Variants in SRFBP1 observed in about 807,000 individuals in gnomAD.
SRFBP1 encodes the protein serum response factor binding protein 1.
In SRFBP1, 47 loss-of-function variants were observed where a neutral mutation model predicts 45.5. That is an observed-to-expected ratio of 1.03 (90% CI 0.82 to 1.32). SRFBP1 has a LOEUF of 1.32. SRFBP1 is among the 40% of genes most tolerant of loss of function. SRFBP1 has a pLI of 0.00. For synonymous variants in SRFBP1, 203 were observed against 166.3 expected (o/e 1.22, Z -1.70); for missense variants, 621 against 484.6 (o/e 1.28, Z -2.64).
At chr5:122,026,084 C>T (rs1014209578) in intron 7 of SRFBP1, among the ~76,000 whole-genome samples, 4 of 151,910 alleles carry the variant, frequency 2.6e-5, no homozygotes, top group South Asian at 2.1e-4. Context: ...AGCAAGACTC[C>T]GTCTTAAAAA....
intron 2 of SRFBP1, among the ~76,000 whole-genome samples, chr5:122,062,771 A>G (rs1754194502): frequency 6.6e-6 from 1 of 151,996 alleles, no homozygotes; most frequent in Non-Finnish European, 1.5e-5. Flanking sequence ...CTCTCATGTT[A>G]CCAGATTTCA....
intron 2 of SRFBP1, among the ~76,000 whole-genome samples, chr5:122,043,850 A>G (rs563040582): frequency 4.6e-5 from 7 of 151,972 alleles, no homozygotes; most frequent in Non-Finnish European, 1.0e-4. Flanking sequence ...TATTCATTAA[A>G]TTTTTTTTAT....
At chr5:122,014,009 A>G (rs548944778) in intron 4 of SRFBP1, among the ~76,000 whole-genome samples, 5 of 152,248 alleles carry the variant, frequency 3.3e-5, no homozygotes, top group Admixed American at 3.3e-4. Context: ...ATATATTTCA[A>G]AATAGCCAAA....
downstream of SRFBP1, chr5:122,077,504 C>T (rs748350741): frequency 1.9e-6 from 3 of 1,613,770 alleles, no homozygotes; most frequent in Non-Finnish European, 2.5e-6. This position sits in a 1 kb window ranked among gnomAD's most constrained non-coding sequence, Gnocchi z 4.9. Flanking sequence ...GTCCACGCGG[C>T]TGGGCGGCCG....
At chr5:121,985,626 C>T (rs1262038541) in intron 3 of SRFBP1, among the ~76,000 whole-genome samples, 1 of 151,658 alleles carries the variant, frequency 6.6e-6, no homozygotes. Context: ...TCTAATACTG[C>T]GATAACTGAG....
intron 3 of SRFBP1, among the ~76,000 whole-genome samples, chr5:121,979,962 C>T (rs935268225): frequency 1.3e-5 from 2 of 152,108 alleles, no homozygotes; most frequent in African/African-American, 4.8e-5. Context: ...TAAGAGCATT[C>T]TTCAGATAAG....
downstream of SRFBP1, chr5:122,075,585 TAACTA>T: frequency 7.5e-7 from 1 of 1,328,902 alleles, no homozygotes; most frequent in Non-Finnish European, 1.0e-6. Flanking sequence ...CATGGAATAT[TAACTA>T]AAGACAAAAC....
chr5:122,022,964 C>G (rs969327076), intron 7 of SRFBP1, among the ~76,000 whole-genome samples: 2 of 152,224 alleles, frequency 1.3e-5, no homozygotes, highest in African/African-American at 4.8e-5. Context: ...ATTCAAGGAT[C>G]AGGCTTCTTC....
intron 4 of SRFBP1, among the ~76,000 whole-genome samples, chr5:122,006,389 T>C (rs1296949362): frequency 1.3e-5 from 2 of 152,178 alleles, no homozygotes; most frequent in Non-Finnish European, 2.9e-5. Context: ...TTGGATTGAA[T>C]CTCACTGGAG....
intron 2 of SRFBP1, among the ~76,000 whole-genome samples, chr5:122,058,995 G>A (rs759041632): frequency 3.3e-5 from 5 of 152,182 alleles, no homozygotes; most frequent in East Asian, 1.9e-4. Flanking sequence ...AGGTTAAAGC[G>A]TTCCCACTGG....
At chr5:121,968,089 A>T (rs1344196284) in intron 1 of SRFBP1, among the ~76,000 whole-genome samples, 1 of 151,974 alleles carries the variant, frequency 6.6e-6, no homozygotes, top group African/African-American at 2.4e-5. Flanking sequence ...AGTGTATAGT[A>T]TTGTGTTGTA....
chr5:122,021,668 C>CTTTTTTT (rs912072262), intron 6 of SRFBP1, among the ~76,000 whole-genome samples: 4 of 96,954 alleles, frequency 4.1e-5, no homozygotes, highest in East Asian at 2.9e-4. Flanking sequence ...AAATATAAAT[C>CTTTTTTT]TTTTTTTTTT....
rs184327050 is a variant in SRFBP1 at position 122,041,731 on chromosome 5, C to T, written n.311+19324C>T. ...CTCTGTTGTTTCTCTTGTATTTTTCCAGGTTCAGAATTATATCATCTAAAG... is the reference window on the plus strand; with the variant it reads ...CTCTGTTGTTTCTCTTGTATTTTTCTAGGTTCAGAATTATATCATCTAAAG... On this transcript the variant is annotated intron_variant and non_coding_transcript_variant, in intron 2 of 2. Coordinates refer to the SRFBP1 transcript ENST00000504881. Among the ~76,000 whole-genome samples, 246 of 152,102 alleles carry T rather than the reference C, an allele frequency of 1.6e-3. 2 individuals are homozygous for T. Among genetic ancestry groups the T allele is most frequent in the Middle Eastern group, 0.014 (4 of 292 alleles).
chr5:122,047,267 C>A (rs1182592120), intron 2 of SRFBP1, among the ~76,000 whole-genome samples: 2 of 152,280 alleles, frequency 1.3e-5, no homozygotes, highest in East Asian at 1.9e-4. Context: ...CTACATATGT[C>A]TAGCCAGTTT....
At chr5:121,965,286 T>A (rs1001595145) in intron 1 of SRFBP1, among the ~76,000 whole-genome samples, 7 of 152,200 alleles carry the variant, frequency 4.6e-5, no homozygotes, top group African/African-American at 1.4e-4. Context: ...CTGAATGGTA[T>A]TGCCTAGGTT....
At chr5:122,044,788 T>C (rs1753829393) in intron 2 of SRFBP1, among the ~76,000 whole-genome samples, 1 of 152,138 alleles carries the variant, frequency 6.6e-6, no homozygotes, top group African/African-American at 2.4e-5. Context: ...TTGTTAAATA[T>C]TTTCTCCCAT....
intron 2 of SRFBP1, among the ~76,000 whole-genome samples, chr5:122,045,447 G>T (rs751262859): frequency 6.6e-6 from 1 of 152,156 alleles, no homozygotes; most frequent in Non-Finnish European, 1.5e-5. Flanking sequence ...GCTTCAGGCA[G>T]TATGGCCATT....
intron 3 of SRFBP1, among the ~76,000 whole-genome samples, chr5:121,977,151 A>G (rs1055670570): frequency 1.3e-5 from 2 of 152,110 alleles, no homozygotes; most frequent in African/African-American, 4.8e-5. Flanking sequence ...AGATTACCAC[A>G]TCACTATCGT....
chr5:122,077,558 T>C, downstream of SRFBP1: 1 of 1,613,192 alleles, frequency 6.2e-7, no homozygotes, highest in Non-Finnish European at 8.5e-7. This position sits in a 1 kb window ranked among gnomAD's most constrained non-coding sequence, Gnocchi z 4.9. Context: ...TGTCTGGTTC[T>C]CCGCGCGCGA....
Sources: gnomAD v4.1 joint callset for allele counts (sites outside exome capture counted in the v4.1 genomes callset) on GRCh38, gnomAD v4.1.1 for gene constraint, Gnocchi (gnomAD v3.1) non-coding constraint, MANE v1.5 for transcripts, NCBI Gene and HGNC (gene_info 2026-07-23, HGNC 2026-07-21) for gene names.